Variants in ABHD18 observed in about 807,000 individuals in gnomAD.
ABHD18 encodes the protein abhydrolase domain containing 18.
A neutral mutation model predicts 65.9 loss-of-function variants in ABHD18; 55 were observed. The ratio of observed to expected loss-of-function variants is 0.84; its 90% CI spans 0.67 to 1.05. The LOEUF is 1.05. Among genes scored for constraint, ABHD18 ranks in the 50% least tolerant of loss-of-function variants. The pLI is 0.00. For synonymous variants in ABHD18, 181 were observed against 180.2 expected, an observed-to-expected ratio of 1.00 and a Z score of -0.04; for missense variants, 533 against 558.5, an observed-to-expected ratio of 0.95 and a Z score of 0.46.
intron 12 of ABHD18, among the ~76,000 whole-genome samples, chr4:128,032,880 C>A (rs534989910): frequency 6.6e-6 from 1 of 152,280 alleles, no homozygotes; most frequent in African/African-American, 2.4e-5. Flanking sequence ...CGTATTGTAA[C>A]TTTTGGCACC....
In ABHD18 at chr4:128,037,748, T is replaced by G; in HGVS notation, c.*1935T>G. On this transcript the variant is annotated 3_prime_UTR_variant, in exon 13 of 13. Transcript: ENST00000645843. ...ACAGCCTTGGCTTTTAATTTCAAAA[T>G]TTAATAGACACATATGCAATTGATT... The G allele has an allele frequency of 6.6e-6, 1 of 152,172 alleles. No homozygotes were observed. 9.4% of individuals were successfully genotyped at this position (152,172 alleles called of 1,614,324 possible).
chr4:128,017,436 T>C lies in ABHD18; in HGVS notation c.544T>C (p.Leu182=), dbSNP rs1444889348. 1.2e-6 allele frequency: 2 copies of C among 1,613,750 alleles called. No homozygotes were observed. Among genetic ancestry groups the C allele is most frequent in the East Asian group, 2.2e-5 (1 of 44,872 alleles). The change falls in exon 8 of 13, where the codon TTG becomes CTG. Residue 182 remains leucine, a synonymous_variant. Transcript: ENST00000645843. ...GALVLESAAL[L]HWLEREGYGP... is the part of the protein sequence containing the mutation. The stretch of plus-strand genomic sequence containing the variant: ...TCTTGTTTTAGAATCTGCAGCTCTC[T>C]TGCACTGGCTAGAGAGGGAAGGTTA...
At chr4:127,998,389 G>A (rs767833568) in intron 4 of ABHD18, among the ~76,000 whole-genome samples, 3 of 144,480 alleles carry the variant, frequency 2.1e-5, no homozygotes, top group Admixed American at 1.5e-4. Flanking sequence ...TCCTGTTCCC[G>A]CCACCACACC....
At position 128,039,144 on chromosome 4, in the gene ABHD18, C is replaced by CATATATATATATATATAT. The variant is rs61578534; in HGVS notation, c.*3355_*3372dup. The CATATATATATATATATAT allele has an allele frequency of 1.0e-5, 1 of 99,762 alleles. No individual in the cohort carries two copies. Among genetic ancestry groups the CATATATATATATATATAT allele is most frequent in the Non-Finnish European group, 2.0e-5 (1 of 49,864 alleles). The allele number at this position is 99,762 out of a possible 1,614,324, so 6.2% of individuals were successfully genotyped here. On this transcript the variant is annotated 3_prime_UTR_variant, in exon 13 of 13. Coordinates refer to ENST00000645843, the MANE Select transcript of ABHD18 (RefSeq NM_001358451.3). ...TATGTATTATATATACACACATATG[C>CATATATATATATATATAT]ATATATATATATATATATATATATA...
At chr4:127,998,094 G>A (rs1057135301) in intron 4 of ABHD18, among the ~76,000 whole-genome samples, 1 of 151,814 alleles carries the variant, frequency 6.6e-6, no homozygotes, top group Non-Finnish European at 1.5e-5. Context: ...TCTCTATGTT[G>A]CCCAGGCTGG....
chr4:128,007,242 C>T (rs1194256262), intron 4 of ABHD18, among the ~76,000 whole-genome samples: 1 of 151,200 alleles, frequency 6.6e-6, no homozygotes, highest in Non-Finnish European at 1.5e-5. Flanking sequence ...CTGCTTGAGC[C>T]CAGCAGGTCA....
chr4:128,003,316 C>T (rs1036260169), intron 4 of ABHD18, among the ~76,000 whole-genome samples: 2 of 150,348 alleles, frequency 1.3e-5, no homozygotes, highest in Middle Eastern at 3.2e-3. Context: ...TGCAGTGAGC[C>T]GAGATCGCGC....
In ABHD18 at chr4:127,989,802, A is replaced by G; in HGVS notation, c.259A>G (p.Ile87Val). The change falls in exon 4 of 13, where the codon ATT becomes GTT. Residue 87 changes from isoleucine (I) to valine (V), a missense_variant. This residue lies in a region of ABHD18 where 309 missense variants were observed against 313.5 expected (regional missense o/e 0.99). Transcript: ENST00000645843. Reference protein sequence around the residue: ...MAHYVPDIMPIESVIARFQFI... With the variant: ...MAHYVPDIMPVESVIARFQFI... ...TCACTATGTGCCTGATATCATGCCA[A>G]TTGAATCTGTTATTGCAAGGTAAGA... 1.3e-6 allele frequency: 2 copies of G among 1,588,852 alleles called. No individual in the cohort carries two copies. The highest frequency in any genetic ancestry group is 1.7e-6 in the Non-Finnish European group (2 of 1,167,142).
intron 8 of ABHD18, among the ~76,000 whole-genome samples, chr4:128,018,906 C>A (rs552301528): frequency 6.6e-6 from 1 of 150,678 alleles, no homozygotes; most frequent in African/African-American, 2.4e-5. Context: ...CCCAGCTACT[C>A]AGGAGGCTGA....
chr4:127,996,838 G>A (rs1219768694), intron 4 of ABHD18, among the ~76,000 whole-genome samples: 1 of 152,196 alleles, frequency 6.6e-6, no homozygotes, highest in East Asian at 1.9e-4. Flanking sequence ...TTCTGCAAGA[G>A]GAGAAATATG....
intron 4 of ABHD18, among the ~76,000 whole-genome samples, chr4:128,002,236 C>T (rs1752773839): frequency 6.6e-6 from 1 of 151,666 alleles, no homozygotes; most frequent in Admixed American, 6.6e-5. Context: ...GATCGTGACA[C>T]TGCACTCCAG....
At chr4:127,985,775 G>A (rs897595239) in intron 3 of ABHD18, among the ~76,000 whole-genome samples, 24 of 152,100 alleles carry the variant, frequency 1.6e-4, no homozygotes, top group Non-Finnish European at 2.5e-4. Context: ...AGGCCAAGGC[G>A]GGCAGATCGT....
At chr4:128,018,278 C>G (rs1755849820) in intron 8 of ABHD18, among the ~76,000 whole-genome samples, 4 of 152,134 alleles carry the variant, frequency 2.6e-5, no homozygotes, top group Admixed American at 2.6e-4. Context: ...TGGTTTATTA[C>G]TTGGCACATA....
chr4:128,023,435 G>C (rs1409799311), intron 10 of ABHD18, among the ~76,000 whole-genome samples: 1 of 99,606 alleles, frequency 1.0e-5, no homozygotes, highest in Non-Finnish European at 2.0e-5. Context: ...AAAAAAAAAA[G>C]CTGGGCATGG....
At chr4:128,007,703 G>A (rs1233236485) in intron 4 of ABHD18, among the ~76,000 whole-genome samples, 2 of 150,206 alleles carry the variant, frequency 1.3e-5, no homozygotes, top group East Asian at 2.0e-4. Context: ...ATCATGCCAC[G>A]GCACTCCATC....
In ABHD18 at chr4:128,025,214, A is replaced by C. The variant is rs546141834; in HGVS notation, c.802-3261A>C. 3.3e-5 allele frequency among the ~76,000 whole-genome samples: 5 copies of C among 151,952 alleles called. No homozygotes were observed. In the South Asian group the frequency reaches 8.3e-4, roughly 25 times the overall value. On this transcript the variant is annotated intron_variant, in intron 10 of 12. Transcript: ENST00000645843. ...GAACTTTTTTTATCTTTTTCTTTTT[A>C]TTTTGTTGAGGTAGGGTCTGGCTCT... is the stretch of plus-strand genomic sequence containing the variant.
At chr4:128,023,402 A>C (rs13132138) in intron 10 of ABHD18, among the ~76,000 whole-genome samples, 1 of 78,128 alleles carries the variant, frequency 1.3e-5, no homozygotes, top group Non-Finnish European at 2.4e-5. Context: ...TCTTGTCTCT[A>C]CAAAAAAAAA....
intron 7 of ABHD18, among the ~76,000 whole-genome samples, chr4:128,012,080 C>A (rs542088308): frequency 6.6e-6 from 1 of 150,642 alleles, no homozygotes. Context: ...TGGGTTCAAG[C>A]GATTCTCTGC....
rs888017482 is a variant in ABHD18 at position 127,998,285 on chromosome 4, T to C, written c.278+8464T>C. ...TGTAAATTTTTCAAGACGTTTCTTTTTTTTTTTTTTTTTTTGAGATGGAGT... is the reference window on the plus strand; with the variant it reads ...TGTAAATTTTTCAAGACGTTTCTTTCTTTTTTTTTTTTTTTGAGATGGAGT... On this transcript the variant is annotated intron_variant, in intron 4 of 12. Transcript: ENST00000645843. 5.1e-3 allele frequency among the ~76,000 whole-genome samples: 749 copies of C among 147,986 alleles called. 6 individuals carry two copies. The highest frequency in any genetic ancestry group is 0.018 in the African/African-American group (721 of 40,674).
Sources: gnomAD v4.1 joint callset for allele counts (sites outside exome capture counted in the v4.1 genomes callset) on GRCh38, gnomAD v4.1.1 for gene constraint, gnomAD v4.1.1 regional missense constraint, MANE v1.5 for transcripts, NCBI Gene and HGNC (gene_info 2026-07-23, HGNC 2026-07-21) for gene names.